Variants in PCDH7 observed in about 807,000 individuals in gnomAD.
The protein encoded by PCDH7 is protocadherin 7.
PCDH7 carries 17 observed loss-of-function variants against 58.9 expected under a neutral mutation model. The observed-to-expected ratio is 0.29, with a 90% CI of 0.20 to 0.43. The LOEUF is 0.43. PCDH7 is among the 20% of genes least tolerant of loss of function. The pLI, the probability that PCDH7 is intolerant of heterozygous loss-of-function variation, is 1.00. For synonymous variants in PCDH7, 664 were observed against 616.4 expected (o/e 1.08, Z -1.14); for missense variants, 1,274 against 1,441.0 (o/e 0.88, Z 1.88).
At chr4:31,039,190 G>A (rs28613791) in intron 3 of PCDH7, among the ~76,000 whole-genome samples, 5,685 of 152,114 alleles carry the variant, frequency 0.037, 377 homozygotes, top group African/African-American at 0.13. Flanking sequence ...TTCTCCTTTA[G>A]CATTTTAAAG....
intron 3 of PCDH7, among the ~76,000 whole-genome samples, chr4:30,953,918 G>A (rs572559144): frequency 6.6e-6 from 1 of 152,142 alleles, no homozygotes; most frequent in Non-Finnish European, 1.5e-5. Flanking sequence ...TTCATTGCAA[G>A]TAATTGACTT....
intron 2 of PCDH7, among the ~76,000 whole-genome samples, chr4:30,925,189 A>G (rs1578308692): frequency 6.6e-6 from 1 of 152,212 alleles, no homozygotes; most frequent in South Asian, 2.1e-4. Flanking sequence ...GCAGTAAAAC[A>G]TGGACTTTTC....
intron 2 of PCDH7, among the ~76,000 whole-genome samples, chr4:30,947,885 A>T (rs1038843529): frequency 6.6e-6 from 1 of 152,098 alleles, no homozygotes; most frequent in African/African-American, 2.4e-5. Context: ...AACCTCTAGT[A>T]TCCTCTGTTC....
chr4:30,978,918 A>C (rs1214090737), intron 3 of PCDH7, among the ~76,000 whole-genome samples: 3 of 152,136 alleles, frequency 2.0e-5, no homozygotes, highest in African/African-American at 7.2e-5. Context: ...GGGCGAGATA[A>C]ATTAATTATT....
chr4:30,884,024 G>T (rs866699858), intron 1 of PCDH7, among the ~76,000 whole-genome samples: 93 of 152,216 alleles, frequency 6.1e-4, no homozygotes, highest in African/African-American at 2.1e-3. Context: ...AAGAGGAAAA[G>T]TACTTTTTCC....
At chr4:30,794,460 A>G (rs1243392066) in intron 1 of PCDH7, among the ~76,000 whole-genome samples, 1 of 152,180 alleles carries the variant, frequency 6.6e-6, no homozygotes, top group Non-Finnish European at 1.5e-5. Flanking sequence ...AAATTGTTCC[A>G]TAGCCTCTTT....
intron 1 of PCDH7, among the ~76,000 whole-genome samples, chr4:30,876,566 C>A (rs1016719250): frequency 2.0e-5 from 3 of 151,860 alleles, no homozygotes; most frequent in East Asian, 3.9e-4. Flanking sequence ...ATATCACATG[C>A]AAGTTTTATG....
At chr4:30,828,142 A>C (rs974326840) in intron 1 of PCDH7, among the ~76,000 whole-genome samples, 3 of 152,100 alleles carry the variant, frequency 2.0e-5, no homozygotes, top group Non-Finnish European at 2.9e-5. Flanking sequence ...TATGCAGAAG[A>C]AGTAGGTGGT....
intron 3 of PCDH7, among the ~76,000 whole-genome samples, chr4:31,078,465 T>C (rs1759187734): frequency 6.6e-6 from 1 of 151,322 alleles, no homozygotes; most frequent in Admixed American, 6.6e-5. Flanking sequence ...TTTTTCTTCC[T>C]TTCTTTCTTT....
intron 1 of PCDH7, among the ~76,000 whole-genome samples, chr4:30,903,027 T>G (rs1404093453): frequency 6.6e-6 from 1 of 152,110 alleles, no homozygotes; most frequent in Non-Finnish European, 1.5e-5. Context: ...TGCTTTAAAA[T>G]TAAACTCCGG....
intron 3 of PCDH7, among the ~76,000 whole-genome samples, chr4:31,031,998 G>A (rs895235811): frequency 1.6e-4 from 25 of 152,200 alleles, no homozygotes; most frequent in Admixed American, 5.2e-4. Context: ...CTCAATCTCC[G>A]AAAGCAGCAA....
chr4:30,957,560 T>C (rs927256423), intron 3 of PCDH7, among the ~76,000 whole-genome samples: 2 of 152,158 alleles, frequency 1.3e-5, no homozygotes, highest in African/African-American at 4.8e-5. Flanking sequence ...ATATTTATAA[T>C]AGGAGCAAAA....
At position 30,919,966 on chromosome 4, in the gene PCDH7, A is replaced by G. The variant is rs71598132; in HGVS notation, c.71-187A>G. 0.049 allele frequency among the ~76,000 whole-genome samples: 7,452 copies of G among 152,278 alleles called. 391 individuals carry two copies. Among genetic ancestry groups the G allele is most frequent in the East Asian group, 0.26 (1,353 of 5,172 alleles). ...AAAGGGAATTTCCAGTTTTTCCATA[A>G]TAAAATCTAAGCTCTAGACATTGCC... is the stretch of plus-strand genomic sequence containing the variant. On this transcript the variant is annotated intron_variant, in intron 1 of 3. Transcript: ENST00000509759.
intron 3 of PCDH7, among the ~76,000 whole-genome samples, chr4:31,033,594 GC>G (rs537856861): frequency 1.3e-3 from 205 of 152,138 alleles, no homozygotes; most frequent in Non-Finnish European, 2.4e-3. Flanking sequence ...ATAAAAACAA[GC>G]TTTTGGCAAT....
chr4:31,116,784 T>C (rs1379312120), intron 3 of PCDH7, among the ~76,000 whole-genome samples: 2 of 152,138 alleles, frequency 1.3e-5, no homozygotes, highest in African/African-American at 2.4e-5. Context: ...AAATAACATA[T>C]TGTATATTAT....
At chr4:30,884,902 T>A (rs1018673791) in intron 1 of PCDH7, 4 of 152,120 alleles carry the variant, frequency 2.6e-5, no homozygotes, top group Admixed American at 1.3e-4. Context: ...TCTTTAGTTG[T>A]AGGGTAGGAG....
intron 1 of PCDH7, among the ~76,000 whole-genome samples, chr4:30,788,974 C>A (rs1723769281): frequency 6.6e-6 from 1 of 152,094 alleles, no homozygotes. Flanking sequence ...CAATATTGAT[C>A]ATTCATATTA....
At chr4:30,973,177 T>C (rs571860418) in intron 3 of PCDH7, among the ~76,000 whole-genome samples, 24 of 152,292 alleles carry the variant, frequency 1.6e-4, no homozygotes, top group African/African-American at 5.8e-4. Flanking sequence ...ATTTCTGATA[T>C]AGAGATAGAT....
At chr4:30,786,392 C>A (rs1723398896) in intron 1 of PCDH7, among the ~76,000 whole-genome samples, 1 of 151,974 alleles carries the variant, frequency 6.6e-6, no homozygotes, top group Admixed American at 6.6e-5. Context: ...AACAACACTC[C>A]CCCAGCCCTC....
Sources: allele counts gnomAD v4.1 joint callset (sites outside exome capture counted in the v4.1 genomes callset), GRCh38; gene constraint gnomAD v4.1.1; transcripts MANE v1.5; gene names NCBI Gene and HGNC (gene_info 2026-07-23, HGNC 2026-07-21).